GRIK4: variants seen among roughly 807,000 people sequenced by gnomAD.
GRIK4 encodes the protein glutamate ionotropic receptor kainate type subunit 4, also known as glutamate receptor ionotropic, kainate 4.
GRIK4 carries 40 observed loss-of-function variants against 104.9 expected under a neutral mutation model. The ratio of observed to expected loss-of-function variants is 0.38; its 90% CI spans 0.30 to 0.50. GRIK4 has a LOEUF of 0.50. Ranked by LOEUF, GRIK4 falls within the 20% of genes least tolerant of loss-of-function variation. The probability of loss-of-function intolerance (pLI) is 0.93; values close to 1 mark genes in which losing one functional copy is unlikely to be tolerated. For synonymous variants in GRIK4, 485 were observed against 524.9 expected, an observed-to-expected ratio of 0.92 and a Z score of 1.04; for missense variants, 1,047 against 1,308.1, an observed-to-expected ratio of 0.80 and a Z score of 3.08.
At chr11:120,756,387 G>A (rs752285521) in intron 3 of GRIK4, among the ~76,000 whole-genome samples, 2 of 152,106 alleles carry the variant, frequency 1.3e-5, no homozygotes, top group Non-Finnish European at 2.9e-5. Context: ...TGTTCTGATG[G>A]GGGTAAAATG....
chr11:120,515,407 C>T (rs1035531818), intron 1 of GRIK4, among the ~76,000 whole-genome samples: 2 of 152,240 alleles, frequency 1.3e-5, no homozygotes, highest in African/African-American at 4.8e-5. Context: ...GGATAAATCT[C>T]ACCTGCTTCA....
chr11:120,784,206 C>T (rs1443053516), intron 3 of GRIK4, among the ~76,000 whole-genome samples: 8 of 152,174 alleles, frequency 5.3e-5, no homozygotes, highest in Non-Finnish European at 1.2e-4. Flanking sequence ...CATTGTGGGG[C>T]CCTAGCTTGG....
chr11:120,873,981 C>A, intron 9 of GRIK4, 85 bp from the exon 10 acceptor site: 1 of 1,214,494 alleles, frequency 8.2e-7, no homozygotes. Flanking sequence ...TTTCTTCCTC[C>A]ATTCCTCTTA....
intron 1 of GRIK4, among the ~76,000 whole-genome samples, chr11:120,611,009 C>A (rs1949031081): frequency 1.3e-5 from 2 of 152,146 alleles, no homozygotes; most frequent in South Asian, 2.1e-4. Context: ...CTGTCGTTTT[C>A]AACAGGAAAC....
chr11:120,985,733 A>G (rs967462549), intron 20 of GRIK4, among the ~76,000 whole-genome samples, 171 bp from the exon 21 acceptor site: 17 of 152,124 alleles, frequency 1.1e-4, no homozygotes, highest in African/African-American at 4.1e-4. Context: ...GTGTTTGAAC[A>G]TTAAATGGGA....
chr11:120,761,112 G>T (rs1281450301), intron 3 of GRIK4, among the ~76,000 whole-genome samples: 1 of 152,102 alleles, frequency 6.6e-6, no homozygotes. Context: ...AGCATCTGTT[G>T]TTTCCTGACT....
intron 3 of GRIK4, among the ~76,000 whole-genome samples, chr11:120,738,057 C>T (rs1951258580): frequency 6.9e-6 from 1 of 144,962 alleles, no homozygotes; most frequent in South Asian, 2.4e-4. Context: ...GCCTTGGGGG[C>T]ACTCCAATGT....
intron 1 of GRIK4, among the ~76,000 whole-genome samples, chr11:120,532,039 G>A (rs1283527772): frequency 6.6e-6 from 1 of 152,170 alleles, no homozygotes; most frequent in Non-Finnish European, 1.5e-5. Context: ...TGTGGGGCAG[G>A]TGGAAGGTCT....
intron 13 of GRIK4, among the ~76,000 whole-genome samples, chr11:120,910,776 GAGA>G (rs1346200485): frequency 1.3e-5 from 2 of 152,198 alleles, no homozygotes; most frequent in African/African-American, 4.8e-5. Context: ...AGAGCAGGGT[GAGA>G]AGGACTATGA....
Position 120,889,589 on chromosome 11 carries a change from A to ATTTTTTT in GRIK4, c.1165-8919_1165-8913dup, listed in dbSNP as rs369264259. On this transcript the variant is annotated intron_variant, in intron 11 of 20. Coordinates refer to ENST00000527524, the MANE Select transcript of GRIK4 (RefSeq NM_014619.5). ...ATAGAATAAAATAGAAAGAGCTTAC[A>ATTTTTTT]TTTTTTTTTTTTTTTTTTTTTTTTT... Among the ~76,000 whole-genome samples, 150 of 62,482 alleles carry ATTTTTTT rather than the reference A, an allele frequency of 2.4e-3. 19 individuals carry two copies. Among genetic ancestry groups the ATTTTTTT allele is most frequent in the African/African-American group, 7.4e-3 (125 of 16,936 alleles). 41.0% of individuals were successfully genotyped at this position (62,482 alleles called of 152,430 possible). A position where few individuals can be genotyped will look rare whatever the true frequency, so the allele number is the denominator to read the frequency against.
intron 8 of GRIK4, among the ~76,000 whole-genome samples, chr11:120,855,591 C>A (rs1954084376): frequency 6.8e-6 from 1 of 147,036 alleles, no homozygotes; most frequent in Non-Finnish European, 1.5e-5. Flanking sequence ...GAGACAGAGT[C>A]TCTGTTGCCC....
chr11:120,584,917 G>A (rs1288605023), intron 1 of GRIK4, among the ~76,000 whole-genome samples: 2 of 152,180 alleles, frequency 1.3e-5, no homozygotes. Flanking sequence ...CTTGATCATG[G>A]TAGATTAGCT....
rs1197544968 is a variant in GRIK4 at position 120,555,436 on chromosome 11, A to G, written c.-159+43549A>G. 6.6e-6 allele frequency among the ~76,000 whole-genome samples: 1 copy of G among 152,238 alleles called. No homozygotes were observed. The highest frequency in any genetic ancestry group is 2.4e-5 in the African/African-American group (1 of 41,452). The stretch of plus-strand genomic sequence containing the variant: ...GTCTGATTTGCATAGAGCTTGCTAA[A>G]AAAGCTTTCTACCGGGCTGCTTATG... On this transcript the variant is annotated intron_variant, in intron 1 of 20. Coordinates refer to ENST00000527524, the MANE Select transcript of GRIK4 (RefSeq NM_014619.5). The surrounding 1 kb of genome is among the most constrained non-coding windows in gnomAD (Gnocchi z 5.3).
intron 1 of GRIK4, among the ~76,000 whole-genome samples, chr11:120,568,647 C>G (rs1467637507): frequency 3.3e-5 from 5 of 152,212 alleles, no homozygotes; most frequent in African/African-American, 7.2e-5. Context: ...CTCGGCCCCC[C>G]AAAGTGCTGG....
intron 3 of GRIK4, among the ~76,000 whole-genome samples, chr11:120,709,640 C>T (rs1000858991): frequency 1.3e-5 from 2 of 152,178 alleles, no homozygotes; most frequent in Admixed American, 1.3e-4. Flanking sequence ...TTATATGACA[C>T]CTCTGACTGT....
chr11:120,891,355 C>G (rs1185564409), intron 11 of GRIK4, among the ~76,000 whole-genome samples: 1 of 152,226 alleles, frequency 6.6e-6, no homozygotes, highest in Non-Finnish European at 1.5e-5. Context: ...GCTGTCTTGA[C>G]TCTGAAACAG....
chr11:120,846,460 A>G (rs550559187), intron 8 of GRIK4, among the ~76,000 whole-genome samples: 1 of 152,218 alleles, frequency 6.6e-6, no homozygotes, highest in South Asian at 2.1e-4. Flanking sequence ...GAGGGTTTAC[A>G]GATATGGCTT....
intron 1 of GRIK4, among the ~76,000 whole-genome samples, chr11:120,618,252 T>C (rs1949140522): frequency 6.6e-6 from 1 of 152,178 alleles, no homozygotes; most frequent in South Asian, 2.1e-4. Context: ...AGAGTGATGA[T>C]TTAGGGTATC....
chr11:120,601,957 CAG>C (rs1948893740), intron 1 of GRIK4, among the ~76,000 whole-genome samples: 1 of 152,088 alleles, frequency 6.6e-6, no homozygotes, highest in African/African-American at 2.4e-5. Flanking sequence ...CCTAGGCTAT[CAG>C]TGACCCCTGA....
Sources: allele counts gnomAD v4.1 joint callset (sites outside exome capture counted in the v4.1 genomes callset), GRCh38; gene constraint gnomAD v4.1.1; non-coding constraint Gnocchi (gnomAD v3.1); transcripts MANE v1.5; gene names NCBI Gene and HGNC (gene_info 2026-07-23, HGNC 2026-07-21).